Variants in RBFOX1 observed in about 807,000 individuals in gnomAD.
RBFOX1 encodes RNA binding protein fox-1 homolog 1.
In RBFOX1, 8 loss-of-function variants were observed where a neutral mutation model predicts 57.7. The ratio of observed to expected loss-of-function variants is 0.14; its 90% confidence interval spans 0.08 to 0.25. The LOEUF (loss-of-function observed/expected upper bound fraction) is 0.25. Ranked by LOEUF, RBFOX1 falls within the 10% of genes least tolerant of loss-of-function variation. The probability of loss-of-function intolerance (pLI) is 1.00; values close to 1 mark genes in which losing one functional copy is unlikely to be tolerated. For synonymous variants in RBFOX1, 326 were observed against 222.4 expected (o/e 1.47, Z -4.15); for missense variants, 611 against 548.5 (o/e 1.11, Z -1.14).
chr16:6,686,229 G>C (rs1239531455), intron 3 of RBFOX1, among the ~76,000 whole-genome samples: 1 of 152,154 alleles, frequency 6.6e-6, no homozygotes, highest in Admixed American at 6.5e-5. Context: ...CACTCAGGTA[G>C]AGGTCTCAAA....
chr16:7,268,085 G>A (rs929044814), intron 4 of RBFOX1, among the ~76,000 whole-genome samples: 7 of 152,180 alleles, frequency 4.6e-5, no homozygotes, highest in Admixed American at 4.6e-4. Flanking sequence ...AAAGCTAGCA[G>A]GTTAGTGTGC....
intron 3 of RBFOX1, among the ~76,000 whole-genome samples, chr16:5,651,039 T>C (rs1398723017): frequency 8.1e-6 from 1 of 123,916 alleles, no homozygotes; most frequent in East Asian, 2.5e-4. Context: ...ACTACCTCCT[T>C]CTTTTTTTTT....
chr16:6,955,066 A>AC (rs2081484657), intron 3 of RBFOX1, among the ~76,000 whole-genome samples: 1 of 105,072 alleles, frequency 9.5e-6, no homozygotes, highest in Non-Finnish European at 2.0e-5. Flanking sequence ...CCCCATCTCT[A>AC]CAAAAAAAAA....
chr16:5,565,053 C>T (rs922293944), intron 2 of RBFOX1, among the ~76,000 whole-genome samples: 3 of 152,144 alleles, frequency 2.0e-5, no homozygotes, highest in Non-Finnish European at 4.4e-5. Context: ...TTCTGTCCAT[C>T]ACAGGTGAGC....
intron 3 of RBFOX1, among the ~76,000 whole-genome samples, chr16:6,980,063 G>T (rs886812601): frequency 6.6e-6 from 1 of 152,070 alleles, no homozygotes; most frequent in African/African-American, 2.4e-5. Flanking sequence ...ATATATAACC[G>T]CATGGCACCT....
At chr16:5,485,121 C>T (rs983502463) in intron 2 of RBFOX1, among the ~76,000 whole-genome samples, 14 of 151,710 alleles carry the variant, frequency 9.2e-5, no homozygotes, top group Admixed American at 2.6e-4. Flanking sequence ...CCGAGGCGGG[C>T]GGATGACGAG....
chr16:7,285,075 CTTTT>C (rs58959488), intron 4 of RBFOX1, among the ~76,000 whole-genome samples: 2 of 42,684 alleles, frequency 4.7e-5, no homozygotes, highest in African/African-American at 8.5e-5. Context: ...AGATTCCTTA[CTTTT>C]TTTTTTTTTT....
intron 4 of RBFOX1, among the ~76,000 whole-genome samples, chr16:5,909,167 A>C (rs2058552009): frequency 7.6e-6 from 1 of 131,854 alleles, no homozygotes; most frequent in Non-Finnish European, 1.5e-5. Context: ...GTCTGGGCTC[A>C]CTGCAAGCTC....
At chr16:6,377,224 A>T (rs560525812) in intron 2 of RBFOX1, among the ~76,000 whole-genome samples, 1 of 149,868 alleles carries the variant, frequency 6.7e-6, no homozygotes, top group African/African-American at 2.5e-5. Flanking sequence ...CAGTGAGCCA[A>T]GGTCATGCAA....
chr16:6,831,913 AACTT>A (rs2092735914), intron 3 of RBFOX1, among the ~76,000 whole-genome samples: 1 of 152,214 alleles, frequency 6.6e-6, no homozygotes, highest in South Asian at 2.1e-4. Flanking sequence ...TCTGACGAAG[AACTT>A]ACAGTTCTCT....
chr16:5,950,205 AC>A (rs1271077248), intron 4 of RBFOX1, among the ~76,000 whole-genome samples: 16 of 152,312 alleles, frequency 1.1e-4, no homozygotes, highest in Middle Eastern at 3.4e-3. Flanking sequence ...AAAAAATGAC[AC>A]GGACTTTCAA....
chr16:6,413,637 A>T (rs536353939), intron 2 of RBFOX1, among the ~76,000 whole-genome samples: 22 of 152,358 alleles, frequency 1.4e-4, no homozygotes, highest in African/African-American at 4.3e-4. Context: ...TTGTGAAAAG[A>T]TTCTAAATAA....
intron 1 of RBFOX1, among the ~76,000 whole-genome samples, chr16:6,123,993 T>C (rs35766084): frequency 6.6e-6 from 1 of 152,028 alleles, no homozygotes; most frequent in Admixed American, 6.6e-5. Flanking sequence ...AAAAATGAAG[T>C]CTTGCTTGGC....
intron 4 of RBFOX1, among the ~76,000 whole-genome samples, chr16:7,514,604 A>AGGAG (rs1030530511): frequency 6.6e-6 from 1 of 152,086 alleles, no homozygotes; most frequent in African/African-American, 2.4e-5. Flanking sequence ...AGCCTGCTGG[A>AGGAG]GGAGGGACTC....
chr16:7,130,566 G>A (rs984235417), intron 4 of RBFOX1, among the ~76,000 whole-genome samples: 2 of 152,298 alleles, frequency 1.3e-5, no homozygotes, highest in South Asian at 2.1e-4. Flanking sequence ...GAGTGAAACA[G>A]TGAGTCAGTG....
chr16:6,780,981 G>T (rs1235210004), intron 3 of RBFOX1, among the ~76,000 whole-genome samples: 1 of 152,090 alleles, frequency 6.6e-6, no homozygotes, highest in Non-Finnish European at 1.5e-5. Flanking sequence ...TTGCTGTGCA[G>T]ACACTTTTTA....
chr16:7,424,165 C>T (rs1383210560), intron 4 of RBFOX1, among the ~76,000 whole-genome samples: 1 of 151,904 alleles, frequency 6.6e-6, no homozygotes, highest in Non-Finnish European at 1.5e-5. Context: ...AAAGTGACTC[C>T]AGTAGCAGAT....
intron 1 of RBFOX1, among the ~76,000 whole-genome samples, chr16:6,229,622 A>G (rs758087574): frequency 6.6e-6 from 1 of 152,212 alleles, no homozygotes; most frequent in Non-Finnish European, 1.5e-5. Flanking sequence ...AAGAGGAACC[A>G]GGAAGAAATT....
At chr16:6,636,986 A>G (rs1238142467) in intron 2 of RBFOX1, among the ~76,000 whole-genome samples, 1 of 126,672 alleles carries the variant, frequency 7.9e-6, no homozygotes, top group Admixed American at 9.2e-5. Context: ...ATGTATATGT[A>G]TCATTATGTA....
Sources: allele counts gnomAD v4.1 joint callset (sites outside exome capture counted in the v4.1 genomes callset), GRCh38; gene constraint gnomAD v4.1.1; transcripts MANE v1.5; gene names NCBI Gene and HGNC (gene_info 2026-07-23, HGNC 2026-07-21).